The following CWC27 variants were observed in gnomAD, a reference collection of about 807,000 sequenced individuals.
CWC27 encodes spliceosome-associated protein CWC27 homolog.
In CWC27, 47 loss-of-function variants were observed where a neutral mutation model predicts 63.6. The observed-to-expected ratio is 0.74, with a 90% CI of 0.58 to 0.94. The LOEUF (loss-of-function observed/expected upper bound fraction) is 0.94, where lower values mean the gene tolerates loss of function less well. Ranked by LOEUF, CWC27 falls within the 40% of genes least tolerant of loss-of-function variation. CWC27 has a pLI of 0.00. For synonymous variants in CWC27, 175 were observed against 179.8 expected, an observed-to-expected ratio of 0.97 and a Z score of 0.22; for missense variants, 495 against 554.3, an observed-to-expected ratio of 0.89 and a Z score of 1.07.
At chr5:64,975,894 A>G (rs548741766) in intron 12 of CWC27, among the ~76,000 whole-genome samples, 4 of 151,962 alleles carry the variant, frequency 2.6e-5, no homozygotes, top group African/African-American at 7.2e-5. Context: ...ATGAAACCCC[A>G]TCTCTGCTAA....
intron 13 of CWC27, among the ~76,000 whole-genome samples, chr5:64,994,325 A>G (rs778062668): frequency 1.3e-5 from 2 of 152,102 alleles, no homozygotes; most frequent in Non-Finnish European, 2.9e-5. Context: ...TTTGATGGTT[A>G]TATAATATTC....
At chr5:64,816,843 G>C (rs114587619) in intron 10 of CWC27, among the ~76,000 whole-genome samples, 297 of 152,210 alleles carry the variant, frequency 2.0e-3, no homozygotes, top group African/African-American at 6.7e-3. Context: ...AGTTTTTGTA[G>C]TTGATTTTCT....
At chr5:64,900,959 T>C (rs1158366801) in intron 11 of CWC27, among the ~76,000 whole-genome samples, 2 of 152,144 alleles carry the variant, frequency 1.3e-5, no homozygotes, top group African/African-American at 4.8e-5. Flanking sequence ...CCAACACAAA[T>C]TCATAAACCT....
intron 10 of CWC27, among the ~76,000 whole-genome samples, chr5:64,817,417 AAACAACAAC>A (rs973938985): frequency 1.3e-5 from 2 of 152,020 alleles, no homozygotes; most frequent in Non-Finnish European, 2.9e-5. Context: ...TACTCCTCTA[AAACAACAAC>A]AACAACAACA....
At chr5:64,939,487 A>C (rs954367250) in intron 11 of CWC27, among the ~76,000 whole-genome samples, 1 of 152,156 alleles carries the variant, frequency 6.6e-6, no homozygotes, top group Non-Finnish European at 1.5e-5. Context: ...CTTCTTCTGG[A>C]AGCTTCATCC....
chr5:64,874,154 C>CTTTTTTTTTTTTTTT (rs748768571), intron 10 of CWC27, among the ~76,000 whole-genome samples: 1 of 48,776 alleles, frequency 2.1e-5, no homozygotes, highest in African/African-American at 8.6e-5. Context: ...ATTGTTGATG[C>CTTTTTTTTTTTTTTT]TTTTTTTTTT....
chr5:64,925,375 A>G (rs1352378628), intron 11 of CWC27, among the ~76,000 whole-genome samples: 1 of 152,168 alleles, frequency 6.6e-6, no homozygotes, highest in Non-Finnish European at 1.5e-5. Context: ...ATTCTGAGTC[A>G]TGCTTTCCCT....
chr5:64,783,818 A>C lies in CWC27; in HGVS notation c.253-18A>C, dbSNP rs759616532. 165 of 1,542,590 alleles carry C rather than the reference A, an allele frequency of 1.1e-4. 1 individual carries two copies. The highest frequency in any genetic ancestry group is 2.6e-6 in the Non-Finnish European group (3 of 1,145,720). ...GTCTTATAACTGAGGACATTCACTA[A>C]ATCTTTTTACATTTCAGGATGAATT... On this transcript the variant is annotated intron_variant, in intron 3 of 13. Transcript: ENST00000381070.
chr5:64,905,848 G>A lies in CWC27; in HGVS notation c.1042+20302G>A, dbSNP rs927130006. Among the ~76,000 whole-genome samples, 98 of 152,176 alleles carry A rather than the reference G, an allele frequency of 6.4e-4. 1 individual carries two copies. The highest frequency in any genetic ancestry group is 9.7e-4 in the East Asian group (5 of 5,180). ...CCCCCTGTCTCCCACCCCATGACAG[G>A]CCCCGGTGTGTGATGTTCCCCGCCC... On this transcript the variant is annotated intron_variant, in intron 11 of 13. Coordinates refer to ENST00000381070, the MANE Select transcript of CWC27 (RefSeq NM_005869.4).
At chr5:64,784,894 G>A (rs1743828557) in intron 4 of CWC27, among the ~76,000 whole-genome samples, 1 of 152,174 alleles carries the variant, frequency 6.6e-6, no homozygotes, top group Non-Finnish European at 1.5e-5. Flanking sequence ...AAAAATAAGA[G>A]TGTGTAATAA....
intron 11 of CWC27, among the ~76,000 whole-genome samples, chr5:64,897,281 C>T (rs1162629973): frequency 2.6e-5 from 4 of 152,140 alleles, no homozygotes; most frequent in Non-Finnish European, 5.9e-5. Context: ...AAGACACATG[C>T]ACACGTATGT....
At chr5:64,829,969 G>A (rs1745471180) in intron 10 of CWC27, among the ~76,000 whole-genome samples, 2 of 138,712 alleles carry the variant, frequency 1.4e-5, no homozygotes, top group African/African-American at 2.8e-5. Flanking sequence ...CAAAGAACAT[G>A]AACTCATCTT....
Position 64,769,001 on chromosome 5 carries a change from T to C in CWC27, c.-146T>C. On this transcript the variant is annotated 5_prime_UTR_variant, in exon 1 of 14. Transcript: ENST00000381070. The stretch of plus-strand genomic sequence containing the variant: ...TCCTTTGGGCAGGGGTAGTGTTTGG[T>C]GTCCCTGTCTTGCGTGATATTGACA... 1.5e-6 allele frequency: 1 copy of C among 675,932 alleles called. No individual in the cohort carries two copies. The highest frequency in any genetic ancestry group is 2.6e-6 in the Non-Finnish European group (1 of 381,870). The allele number at this position is 675,932 out of a possible 1,614,324, so 41.9% of individuals were successfully genotyped here.
chr5:64,916,709 A>G (rs1023020625), intron 11 of CWC27, among the ~76,000 whole-genome samples: 2 of 152,166 alleles, frequency 1.3e-5, no homozygotes, highest in African/African-American at 4.8e-5. Context: ...CTGTTATCAG[A>G]AGAAGGAGTC....
chr5:64,893,740 A>G (rs1432018112), intron 11 of CWC27, among the ~76,000 whole-genome samples: 1 of 152,238 alleles, frequency 6.6e-6, no homozygotes, highest in Non-Finnish European at 1.5e-5. Context: ...TTTTTAAAGA[A>G]GACTATGGCC....
chr5:64,895,437 A>G (rs1747348664), intron 11 of CWC27, among the ~76,000 whole-genome samples: 1 of 152,166 alleles, frequency 6.6e-6, no homozygotes, highest in African/African-American at 2.4e-5. Context: ...ACAAACAATA[A>G]AAGAATTTAG....
intron 10 of CWC27, among the ~76,000 whole-genome samples, chr5:64,869,340 T>C (rs115218842): frequency 6.6e-6 from 1 of 152,044 alleles, no homozygotes; most frequent in African/African-American, 2.4e-5. Context: ...CTACTTTGGA[T>C]TTTATATTAG....
chr5:64,888,474 A>G (rs1747132069), intron 11 of CWC27, among the ~76,000 whole-genome samples: 1 of 147,592 alleles, frequency 6.8e-6, no homozygotes, highest in Non-Finnish European at 1.5e-5. Flanking sequence ...ATAACACTAT[A>G]TAATTTACAT....
chr5:64,879,282 C>CCAAAAAA (rs1193916169), intron 10 of CWC27, among the ~76,000 whole-genome samples: 2 of 151,830 alleles, frequency 1.3e-5, no homozygotes, highest in Non-Finnish European at 2.9e-5. Context: ...TGTGGTATGT[C>CCAAAAAA]TAGTGGAATT....
Sources: gnomAD v4.1 joint callset for allele counts (sites outside exome capture counted in the v4.1 genomes callset) on GRCh38, gnomAD v4.1.1 for gene constraint, MANE v1.5 for transcripts, NCBI Gene and HGNC (gene_info 2026-07-23, HGNC 2026-07-21) for gene names.